Variants in BAZ1B observed in about 807,000 individuals in gnomAD.
BAZ1B encodes bromodomain adjacent to zinc finger domain 1B.
A neutral mutation model predicts 153.8 loss-of-function variants in BAZ1B; 22 were observed. The observed-to-expected ratio is 0.14, with a 90% confidence interval of 0.10 to 0.20. The LOEUF is 0.20. BAZ1B is among the 10% of genes least tolerant of loss of function. The probability of loss-of-function intolerance (pLI) is 1.00; values close to 1 mark genes in which losing one functional copy is unlikely to be tolerated. For synonymous variants in BAZ1B, 676 were observed against 633.4 expected, an observed-to-expected ratio of 1.07 and a Z score of -1.01; for missense variants, 1,325 against 1,799.3, an observed-to-expected ratio of 0.74 and a Z score of 4.77.
intron 13 of BAZ1B, among the ~76,000 whole-genome samples, chr7:73,455,237 G>C (rs569735116): frequency 8.6e-5 from 13 of 151,832 alleles, no homozygotes; most frequent in African/African-American, 3.1e-4. Context: ...ACTTACTAGC[G>C]ACTGGCACAA....
intron 1 of BAZ1B, among the ~76,000 whole-genome samples, chr7:73,519,703 A>ATT (rs1790952580): frequency 6.6e-6 from 1 of 152,136 alleles, no homozygotes; most frequent in African/African-American, 2.4e-5. Flanking sequence ...TCCTACAGCC[A>ATT]TTTTTTACAT....
rs1554565479 is a variant in BAZ1B, at chr7:73,442,779, T to C, written c.4040A>G (p.Lys1347Arg). Residue 1347 changes from lysine (K) to arginine (R), a missense_variant, in exon 18 of 20, where the codon AAG becomes AGG. By Grantham distance (26) the Lys-to-Arg change is conservative (BLOSUM62 2). Transcript: ENST00000339594. ...GATCTTGTGGAGGATCTCTTCACAC[T>C]TCTGCAGCTCCAGGCTTTGCCTCCG... is the stretch of plus-strand genomic sequence containing the variant. Reference protein sequence around the residue: ...SSRRQSLELQKCEEILHKIVK... With the variant: ...SSRRQSLELQRCEEILHKIVK... 2 of 1,614,204 alleles carry C rather than the reference T, an allele frequency of 1.2e-6. No homozygotes were observed. Among genetic ancestry groups the C allele is most frequent in the Non-Finnish European group, 1.7e-6 (2 of 1,180,028 alleles).
chr7:73,510,426 CAAAAAA>C (rs1563402647), intron 2 of BAZ1B, among the ~76,000 whole-genome samples: 1 of 151,812 alleles, frequency 6.6e-6, no homozygotes, highest in South Asian at 2.1e-4. Context: ...GATTCCGTCT[CAAAAAA>C]AGAAAAAGCA....
chr7:73,491,893 CCTTT>C (rs1427686124), intron 5 of BAZ1B, among the ~76,000 whole-genome samples: 2 of 152,122 alleles, frequency 1.3e-5, no homozygotes, highest in Non-Finnish European at 2.9e-5. Flanking sequence ...TCCTAATCCA[CCTTT>C]CTAAGATTCT....
intron 3 of BAZ1B, among the ~76,000 whole-genome samples, chr7:73,504,507 CAAA>C (rs1554577516): frequency 6.6e-6 from 1 of 151,884 alleles, no homozygotes; most frequent in African/African-American, 2.4e-5. Context: ...ACTAAAAATA[CAAA>C]AAAATTAGCG....
At chr7:73,503,531 G>A (rs1790219321) in intron 3 of BAZ1B, among the ~76,000 whole-genome samples, 1 of 151,542 alleles carries the variant, frequency 6.6e-6, no homozygotes, top group Non-Finnish European at 1.5e-5. Context: ...GCACCACCAT[G>A]CACGGCCAAT....
rs782462357 is a variant in BAZ1B, at chr7:73,462,987, C to T, written c.3184G>A (p.Val1062Ile). The T allele has an allele frequency of 6.2e-7, 1 of 1,614,064 alleles. No homozygotes were observed. Residue 1062 changes from valine (V) to isoleucine (I), a missense_variant, in exon 12 of 20, where the codon GTT becomes ATT. By Grantham distance (29) the Val-to-Ile change is conservative. This residue lies in a region of BAZ1B where 431 missense variants were observed against 563.5 expected (regional missense o/e 0.76). Coordinates refer to ENST00000339594, the MANE Select transcript of BAZ1B (RefSeq NM_032408.4). ...LNFLRSDLIE[V>I]ATRLQKGGLG... ...CCTCCTTTTTGTAACCTTGTTGCAA[C>T]TTCAATGAGATCACTACGAAGGAAG... is the stretch of plus-strand genomic sequence containing the variant.
chr7:73,482,240 A>G (rs1789231305), intron 6 of BAZ1B, among the ~76,000 whole-genome samples: 1 of 152,226 alleles, frequency 6.6e-6, no homozygotes, highest in African/African-American at 2.4e-5. Flanking sequence ...GCTAGGAAGA[A>G]TAAGCCAAGA....
chr7:73,463,238 T>TA, intron 11 of BAZ1B, 139 bp from the exon 12 acceptor site: 29 of 771,788 alleles, frequency 3.8e-5, no homozygotes, highest in Non-Finnish European at 5.2e-5. Flanking sequence ...TTTTCTTTTT[T>TA]CTTTTTTTTT....
intron 6 of BAZ1B, among the ~76,000 whole-genome samples, chr7:73,478,941 T>A (rs1356373499): frequency 1.3e-5 from 2 of 152,182 alleles, no homozygotes; most frequent in African/African-American, 4.8e-5. Flanking sequence ...ATTAAGGATA[T>A]CTGATCTACA....
intron 4 of BAZ1B, among the ~76,000 whole-genome samples, chr7:73,496,803 G>A (rs942821666): frequency 1.3e-5 from 2 of 151,982 alleles, no homozygotes; most frequent in African/African-American, 2.4e-5. Context: ...ACAGCATGGG[G>A]GTTAGGGCTC....
chr7:73,461,020 G>C (rs1196629548), intron 12 of BAZ1B, among the ~76,000 whole-genome samples: 2 of 151,834 alleles, frequency 1.3e-5, no homozygotes, highest in African/African-American at 4.8e-5. Context: ...TTGTCGTCCA[G>C]GCTGGAGTGC....
intron 1 of BAZ1B, among the ~76,000 whole-genome samples, chr7:73,519,912 A>T (rs561959902): frequency 3.3e-5 from 5 of 152,210 alleles, no homozygotes; most frequent in African/African-American, 1.2e-4. Context: ...AATGTATTAA[A>T]AAGTAGGGTA....
chr7:73,500,562 A>G (rs1399509969), intron 3 of BAZ1B, among the ~76,000 whole-genome samples: 1 of 151,904 alleles, frequency 6.6e-6, no homozygotes, highest in Admixed American at 6.6e-5. Flanking sequence ...AATAAAAATA[A>G]AAAAACTCTA....
At chr7:73,474,387 A>G (rs1245199284) in intron 7 of BAZ1B, among the ~76,000 whole-genome samples, 2 of 152,240 alleles carry the variant, frequency 1.3e-5, no homozygotes, top group East Asian at 3.8e-4. Flanking sequence ...CCTTAAATCT[A>G]ACACCAAATC....
At chr7:73,509,511 G>A (rs1245467363) in intron 2 of BAZ1B, among the ~76,000 whole-genome samples, 4 of 151,966 alleles carry the variant, frequency 2.6e-5, no homozygotes, top group African/African-American at 9.7e-5. Context: ...CTTGAGCCCA[G>A]GAGTTTGAGA....
At chr7:73,475,621 C>A (rs1468104915) in intron 7 of BAZ1B, among the ~76,000 whole-genome samples, 1 of 152,076 alleles carries the variant, frequency 6.6e-6, no homozygotes, top group Non-Finnish European at 1.5e-5. Context: ...TGTTTTGGGG[C>A]CAGGCATGGT....
intron 3 of BAZ1B, among the ~76,000 whole-genome samples, chr7:73,500,052 A>C (rs1300144443): frequency 6.6e-6 from 1 of 152,040 alleles, no homozygotes; most frequent in Admixed American, 6.6e-5. Flanking sequence ...GGGCTCAAGC[A>C]ATTCTCTCGC....
At chr7:73,511,278 AAAT>A (rs1406063731) in intron 1 of BAZ1B, among the ~76,000 whole-genome samples, 2 of 152,052 alleles carry the variant, frequency 1.3e-5, no homozygotes, top group African/African-American at 4.8e-5. Context: ...AAACTAAAAA[AAAT>A]AAAAAAAAAT....
Sources: allele counts gnomAD v4.1 joint callset (sites outside exome capture counted in the v4.1 genomes callset), GRCh38; gene constraint gnomAD v4.1.1; regional missense constraint gnomAD v4.1.1; transcripts MANE v1.5; gene names NCBI Gene and HGNC (gene_info 2026-07-23, HGNC 2026-07-21).